The following DLC1 variants were observed in gnomAD, a reference collection of about 807,000 sequenced individuals.
The protein encoded by DLC1 is DLC1 Rho GTPase activating protein, also known as rho GTPase-activating protein 7.
A neutral mutation model predicts 140.3 loss-of-function variants in DLC1; 54 were observed. The observed-to-expected ratio is 0.38, with a 90% CI of 0.31 to 0.48. The LOEUF (loss-of-function observed/expected upper bound fraction) is 0.48, where lower values mean the gene tolerates loss of function less well. Among genes scored for constraint, DLC1 ranks in the 20% least tolerant of loss-of-function variants. The pLI, the probability that DLC1 is intolerant of heterozygous loss-of-function variation, is 0.96. For synonymous variants in DLC1, 986 were observed against 728.1 expected (o/e 1.35, Z -5.70); for missense variants, 2,536 against 1,907.0 (o/e 1.33, Z -6.14).
At chr8:13,092,197 A>G (rs1818135109) in intron 13 of DLC1, among the ~76,000 whole-genome samples, 1 of 152,204 alleles carries the variant, frequency 6.6e-6, no homozygotes, top group Admixed American at 6.5e-5. Flanking sequence ...GTGAGCTGAG[A>G]TCGTGCCATT....
Position 13,476,175 on chromosome 8 carries a change from C to T in DLC1, c.1023+22874G>A, listed in dbSNP as rs1010489233. 2.0e-5 allele frequency among the ~76,000 whole-genome samples: 3 copies of T among 152,278 alleles called. No homozygotes were observed. The South Asian group carries it at 6.2e-4, about 32-fold the overall frequency. ...TAAATAAGAAGTGCTTATAATACTG[C>T]TTCAGAACCCTGATTAGCATCACTC... On this transcript the variant is annotated intron_variant, in intron 2 of 17. Coordinates refer to ENST00000276297, the MANE Select transcript of DLC1 (RefSeq NM_182643.3).
chr8:13,490,965 C>G (rs565060750), intron 2 of DLC1, among the ~76,000 whole-genome samples: 2 of 130,590 alleles, frequency 1.5e-5, no homozygotes, highest in East Asian at 4.1e-4. Context: ...TACCCTCATT[C>G]AGAATTTATA....
At chr8:13,474,600 G>A (rs979850537) in intron 2 of DLC1, among the ~76,000 whole-genome samples, 3 of 152,204 alleles carry the variant, frequency 2.0e-5, no homozygotes, top group African/African-American at 7.2e-5. Flanking sequence ...AAGCAGCTGG[G>A]AGAGGGGCTA....
intron 5 of DLC1, among the ~76,000 whole-genome samples, chr8:13,231,821 G>T (rs745700769): frequency 2.0e-5 from 3 of 152,188 alleles, no homozygotes; most frequent in Non-Finnish European, 4.4e-5. Flanking sequence ...AAAGGTCTCT[G>T]CAAAAGCATG....
chr8:13,237,969 A>C (rs1829367988), intron 5 of DLC1, among the ~76,000 whole-genome samples: 1 of 152,164 alleles, frequency 6.6e-6, no homozygotes. Flanking sequence ...AGAAAGAAAG[A>C]AAAGAAGGAA....
At chr8:13,418,690 G>C (rs189912018) in intron 2 of DLC1, among the ~76,000 whole-genome samples, 44 of 152,138 alleles carry the variant, frequency 2.9e-4, no homozygotes, top group African/African-American at 7.2e-4. Context: ...TTGACTTGGC[G>C]ATGCGGGCTC....
In DLC1 at chr8:13,496,688, T is replaced by G. The variant is rs149543682; in HGVS notation, c.1023+2361A>C. ...TTTTCAGTACTATATTATGAGCCTC[T>G]TTAAAAGTTAGTGTGCTTGGATCTG... On this transcript the variant is annotated intron_variant, in intron 2 of 17. Coordinates refer to ENST00000276297, the MANE Select transcript of DLC1 (RefSeq NM_182643.3). 5.9e-3 allele frequency among the ~76,000 whole-genome samples: 898 copies of G among 152,140 alleles called. 11 individuals are homozygous for G. The highest frequency in any genetic ancestry group is 0.021 in the African/African-American group (862 of 41,502).
At chr8:13,253,600 T>C (rs2117295173) in intron 5 of DLC1, among the ~76,000 whole-genome samples, 1 of 152,320 alleles carries the variant, frequency 6.6e-6, no homozygotes, top group East Asian at 1.9e-4. Context: ...CATATCATAC[T>C]AAACTGAAAA....
At chr8:13,435,719 A>G (rs192008964) in intron 2 of DLC1, among the ~76,000 whole-genome samples, 21 of 152,354 alleles carry the variant, frequency 1.4e-4, no homozygotes, top group Non-Finnish European at 4.4e-5. Flanking sequence ...AAGAACTTTG[A>G]ATATTACAAA....
At chr8:13,460,278 C>T (rs943734510) in intron 2 of DLC1, among the ~76,000 whole-genome samples, 4 of 152,216 alleles carry the variant, frequency 2.6e-5, no homozygotes, top group Non-Finnish European at 4.4e-5. Context: ...TGTTTCTCCT[C>T]TGCATACAAA....
intron 5 of DLC1, among the ~76,000 whole-genome samples, chr8:13,172,372 T>C (rs2116933475): frequency 1.3e-5 from 2 of 152,328 alleles, no homozygotes; most frequent in South Asian, 4.1e-4. Context: ...ATTCAGTACC[T>C]TGTAGTGCTG....
At chr8:13,397,103 G>A (rs1272403835) in intron 3 of DLC1, among the ~76,000 whole-genome samples, 1 of 152,106 alleles carries the variant, frequency 6.6e-6, no homozygotes, top group African/African-American at 2.4e-5. Context: ...TGTGATGTGT[G>A]CTAGAAGTGC....
intron 4 of DLC1, among the ~76,000 whole-genome samples, chr8:13,392,259 T>C (rs963874503): frequency 3.3e-5 from 5 of 152,178 alleles, no homozygotes; most frequent in African/African-American, 1.2e-4. Context: ...TGCTGGAATG[T>C]AAGCTGTTTA....
chr8:13,490,066 T>A (rs1478685901), intron 2 of DLC1, among the ~76,000 whole-genome samples: 1 of 152,096 alleles, frequency 6.6e-6, no homozygotes, highest in Non-Finnish European at 1.5e-5. Flanking sequence ...CCACTTTAGG[T>A]TGTGCTTTTT....
chr8:13,330,835 A>G (rs1833555530), intron 4 of DLC1, among the ~76,000 whole-genome samples: 1 of 152,210 alleles, frequency 6.6e-6, no homozygotes, highest in South Asian at 2.1e-4. Flanking sequence ...ATGACTCAAA[A>G]TACCTTTCCT....
chr8:13,351,469 C>A (rs1429805246), intron 4 of DLC1, among the ~76,000 whole-genome samples: 2 of 152,098 alleles, frequency 1.3e-5, no homozygotes, highest in Non-Finnish European at 2.9e-5. Flanking sequence ...GCCATTTCCC[C>A]AGTTTTGATA....
chr8:13,416,168 C>A (rs1403465418), intron 2 of DLC1, among the ~76,000 whole-genome samples: 1 of 152,168 alleles, frequency 6.6e-6, no homozygotes, highest in African/African-American at 2.4e-5. Flanking sequence ...CTGGACTTAT[C>A]ACTTTGGTCC....
chr8:13,194,762 C>G (rs1389969509), intron 5 of DLC1, among the ~76,000 whole-genome samples: 2 of 152,142 alleles, frequency 1.3e-5, no homozygotes, highest in Non-Finnish European at 2.9e-5. Context: ...AATCCCAGCA[C>G]TTTGGGAGGC....
At chr8:13,190,556 CT>C (rs2117022947) in intron 5 of DLC1, among the ~76,000 whole-genome samples, 1 of 152,270 alleles carries the variant, frequency 6.6e-6, no homozygotes, top group Non-Finnish European at 1.5e-5. Flanking sequence ...GGTCAAGTGT[CT>C]TTTGAATGCC....
Sources: gnomAD v4.1 joint callset for allele counts (sites outside exome capture counted in the v4.1 genomes callset) on GRCh38, gnomAD v4.1.1 for gene constraint, MANE v1.5 for transcripts, NCBI Gene and HGNC (gene_info 2026-07-23, HGNC 2026-07-21) for gene names.